The following RBFOX1 variants were observed in gnomAD, a reference collection of about 807,000 sequenced individuals.
RBFOX1 encodes the protein RNA binding fox-1 homolog 1, also known as RNA binding protein fox-1 homolog 1.
A neutral mutation model predicts 57.7 loss-of-function variants in RBFOX1; 8 were observed. That is an observed-to-expected ratio of 0.14 (90% CI 0.08 to 0.25). The LOEUF (loss-of-function observed/expected upper bound fraction) is 0.25, where lower values mean the gene tolerates loss of function less well. RBFOX1 is among the 10% of genes least tolerant of loss of function. RBFOX1 has a pLI of 1.00. For missense variants in RBFOX1, 611 were observed against 548.5 expected, an observed-to-expected ratio of 1.11 and a Z score of -1.14; for synonymous variants, 326 against 222.4, an observed-to-expected ratio of 1.47 and a Z score of -4.15.
In RBFOX1 at chr16:5,903,333, T is replaced by C. The variant is rs187276897; in HGVS notation, c.351+35998T>C. Among the ~76,000 whole-genome samples, 425 of 152,334 alleles carry C rather than the reference T, an allele frequency of 2.8e-3. 4 individuals carry two copies. Among genetic ancestry groups the C allele is most frequent in the Middle Eastern group, 0.02 (6 of 294 alleles). On this transcript the variant is annotated intron_variant, in intron 4 of 19. Coordinates refer to the RBFOX1 transcript ENST00000641259. ...TGCTGTGCATGCTCCAGTATCAACCTGTCCTCTGAGAAGTCATGCGTGACT... is the reference window on the plus strand; with the variant it reads ...TGCTGTGCATGCTCCAGTATCAACCCGTCCTCTGAGAAGTCATGCGTGACT...
At chr16:7,633,821 C>A (rs1285635905) in intron 11 of RBFOX1, among the ~76,000 whole-genome samples, 1 of 152,122 alleles carries the variant, frequency 6.6e-6, no homozygotes, top group African/African-American at 2.4e-5. Context: ...CACATTGCTG[C>A]GGTTTCCTTT....
intron 2 of RBFOX1, among the ~76,000 whole-genome samples, chr16:5,565,549 C>T (rs1006821750): frequency 2.0e-5 from 3 of 151,820 alleles, no homozygotes; most frequent in Non-Finnish European, 4.4e-5. Flanking sequence ...CACTTGAACC[C>T]GGGAGGCGGA....
intron 3 of RBFOX1, among the ~76,000 whole-genome samples, chr16:6,893,329 A>G (rs8044875): frequency 6.6e-6 from 1 of 152,076 alleles, no homozygotes; most frequent in African/African-American, 2.4e-5. Flanking sequence ...GATCAAACTC[A>G]TATAGGTCAT....
At chr16:6,593,239 C>T (rs990146947) in intron 2 of RBFOX1, among the ~76,000 whole-genome samples, 1 of 152,048 alleles carries the variant, frequency 6.6e-6, no homozygotes, top group East Asian at 1.9e-4. Context: ...CTTCCACGTA[C>T]CCATCTCTCT....
chr16:5,939,362 G>A (rs190382734), intron 4 of RBFOX1, among the ~76,000 whole-genome samples: 1 of 152,346 alleles, frequency 6.6e-6, no homozygotes, highest in East Asian at 1.9e-4. Flanking sequence ...TGTTTAGAGA[G>A]GGCATTCTGC....
At chr16:7,568,924 C>T (rs1376046475) in intron 5 of RBFOX1, among the ~76,000 whole-genome samples, 2 of 145,560 alleles carry the variant, frequency 1.4e-5, no homozygotes, top group Admixed American at 6.9e-5. Flanking sequence ...TTAAAACTGT[C>T]TGGGAATGCA....
At chr16:6,072,159 A>T (rs916141266) in intron 1 of RBFOX1, among the ~76,000 whole-genome samples, 1 of 152,108 alleles carries the variant, frequency 6.6e-6, no homozygotes, top group Non-Finnish European at 1.5e-5. Flanking sequence ...TGTTCAGGGG[A>T]ACTGCCCTTT....
chr16:7,709,756 TGGGGGG>T, intron 15 of RBFOX1: 1 of 59,404 alleles, frequency 1.7e-5, no homozygotes, highest in African/African-American at 1.2e-4. Flanking sequence ...TGGGAGGGGG[TGGGGGG>T]AGGGTAAAAA....
At chr16:7,560,635 G>A (rs1461910415) in intron 5 of RBFOX1, among the ~76,000 whole-genome samples, 1 of 152,026 alleles carries the variant, frequency 6.6e-6, no homozygotes, top group East Asian at 1.9e-4. Context: ...GGGGGCGAGT[G>A]TCATCCTTCC....
intron 3 of RBFOX1, among the ~76,000 whole-genome samples, chr16:7,021,921 C>G (rs1487700539): frequency 1.4e-5 from 2 of 147,760 alleles, no homozygotes; most frequent in Admixed American, 6.8e-5. Flanking sequence ...TCTTTTCTTT[C>G]TTTCTTTATT....
intron 2 of RBFOX1, among the ~76,000 whole-genome samples, chr16:6,487,553 G>T (rs550564926): frequency 6.6e-6 from 1 of 151,270 alleles, no homozygotes; most frequent in East Asian, 1.9e-4. Flanking sequence ...AGCATTTACC[G>T]ATAGTGAAGA....
intron 11 of RBFOX1, among the ~76,000 whole-genome samples, chr16:7,646,408 T>C (rs1463120312): frequency 1.3e-5 from 2 of 152,184 alleles, no homozygotes; most frequent in South Asian, 2.1e-4. Flanking sequence ...ACCCCCAGAA[T>C]TGTGTAAGTG....
intron 4 of RBFOX1, among the ~76,000 whole-genome samples, chr16:7,072,297 A>G (rs1207541443): frequency 1.3e-5 from 2 of 152,166 alleles, no homozygotes; most frequent in Non-Finnish European, 2.9e-5. Context: ...CTTATTCTTC[A>G]TTCATCACTT....
At chr16:7,653,459 T>G (rs1487146799) in intron 11 of RBFOX1, among the ~76,000 whole-genome samples, 2 of 152,176 alleles carry the variant, frequency 1.3e-5, no homozygotes, top group Non-Finnish European at 2.9e-5. Context: ...TGAGCCGTGA[T>G]TGCACCACTG....
At chr16:6,765,898 C>T (rs2077254841) in intron 3 of RBFOX1, among the ~76,000 whole-genome samples, 1 of 152,096 alleles carries the variant, frequency 6.6e-6, no homozygotes, top group South Asian at 2.1e-4. Flanking sequence ...GCAAATACTG[C>T]ATTTCTTCAC....
intron 1 of RBFOX1, among the ~76,000 whole-genome samples, chr16:6,079,610 C>G (rs1278013117): frequency 6.7e-6 from 1 of 150,242 alleles, no homozygotes; most frequent in African/African-American, 2.4e-5. Context: ...TGTAAAAGTC[C>G]TTTTGAAATG....
intron 3 of RBFOX1, among the ~76,000 whole-genome samples, chr16:6,914,617 T>C (rs2072633876): frequency 6.6e-6 from 1 of 151,088 alleles, no homozygotes; most frequent in Non-Finnish European, 1.5e-5. Flanking sequence ...CTCACGCCTC[T>C]AATCGCAGCA....
At chr16:5,936,197 C>G (rs931135217) in intron 4 of RBFOX1, among the ~76,000 whole-genome samples, 2 of 152,146 alleles carry the variant, frequency 1.3e-5, no homozygotes, top group African/African-American at 2.4e-5. Context: ...GATCTTGGCT[C>G]ACTGCAACTT....
rs1488563550 is a variant in RBFOX1, at chr16:5,951,553, G to C, written c.351+84218G>C. Among the ~76,000 whole-genome samples, 98 of 152,126 alleles carry C rather than the reference G, an allele frequency of 6.4e-4. 2 individuals carry two copies. Among genetic ancestry groups the C allele is most frequent in the Admixed American group, 6.3e-3 (96 of 15,256 alleles). On this transcript the variant is annotated intron_variant, in intron 4 of 19. Transcript: ENST00000641259. ...TGTATATAAGCTGCTGGTTGATGGA[G>C]TGTATTTTTGTTGAGTTTGCTGGTT...
Sources: allele counts gnomAD v4.1 joint callset (sites outside exome capture counted in the v4.1 genomes callset), GRCh38; gene constraint gnomAD v4.1.1; transcripts MANE v1.5; gene names NCBI Gene and HGNC (gene_info 2026-07-23, HGNC 2026-07-21).